Variants in PARPBP observed in about 807,000 individuals in gnomAD.
PARPBP encodes the protein PCNA-interacting partner.
A neutral mutation model predicts 50.0 loss-of-function variants in PARPBP; 52 were observed. The observed-to-expected ratio is 1.04, with a 90% CI of 0.83 to 1.31. PARPBP has a LOEUF of 1.31. Among genes scored for constraint, PARPBP ranks in the 50% most tolerant of loss-of-function variants. PARPBP has a pLI of 0.00. For missense variants in PARPBP, 697 were observed against 672.0 expected (o/e 1.04, Z -0.41); for synonymous variants, 244 against 232.1 (o/e 1.05, Z -0.47).
chr12:102,158,120 CAAAAAAAAAA>C (rs55962862), intron 4 of PARPBP, among the ~76,000 whole-genome samples: 1 of 47,992 alleles, frequency 2.1e-5, no homozygotes, highest in African/African-American at 8.5e-5. Context: ...GACTCCATCT[CAAAAAAAAAA>C]AAAAAAAAAA....
chr12:102,175,843 G>A (rs369470618), intron 7 of PARPBP, among the ~76,000 whole-genome samples, 177 bp downstream of exon 7: 18 of 152,052 alleles, frequency 1.2e-4, no homozygotes, highest in African/African-American at 4.1e-4. Flanking sequence ...GTTCAACTTG[G>A]GTAAATTATC....
At chr12:102,193,238 AAATT>A (rs1890968900) in intron 9 of PARPBP, among the ~76,000 whole-genome samples, 1 of 151,940 alleles carries the variant, frequency 6.6e-6, no homozygotes, top group African/African-American at 2.4e-5. Flanking sequence ...TATATGTTAA[AAATT>A]AATAAAAGTA....
chr12:102,176,759 C>T (rs531155316), intron 7 of PARPBP, among the ~76,000 whole-genome samples: 4 of 152,166 alleles, frequency 2.6e-5, no homozygotes, highest in Non-Finnish European at 5.9e-5. Flanking sequence ...CATTCATTTA[C>T]TCACAGCACT....
At chr12:102,163,713 G>C (rs1011603153) in intron 4 of PARPBP, among the ~76,000 whole-genome samples, 1 of 152,060 alleles carries the variant, frequency 6.6e-6, no homozygotes, top group African/African-American at 2.4e-5. Context: ...CTCTCTCCAA[G>C]TTGCTGTTGA....
intron 2 of PARPBP, among the ~76,000 whole-genome samples, chr12:102,146,772 GAACAGGC>G (rs1885414782): frequency 6.6e-6 from 1 of 152,102 alleles, no homozygotes. Flanking sequence ...CCGTCAGAGT[GAACAGGC>G]AACCTACAAA....
In PARPBP at chr12:102,153,773, CAACTG is replaced by C. The variant is rs776530905; in HGVS notation, c.388-93_388-89del. On this transcript the variant is annotated intron_variant, in intron 3 of 10. Transcript: ENST00000327680. ...GCTAACAACTGTCAGGTAATACTCTCAACTGAAACATCAATGACACTGAGTAGAGC... is the reference window on the plus strand; with the variant it reads ...GCTAACAACTGTCAGGTAATACTCTCAAACATCAATGACACTGAGTAGAGC... 5.2e-5 allele frequency: 35 copies of C among 674,446 alleles called. 1 individual carries two copies. The highest frequency in any genetic ancestry group is 6.8e-5 in the Admixed American group (3 of 43,860). The allele number at this position is 674,446 out of a possible 1,614,324, so 41.8% of individuals were successfully genotyped here. A position where few individuals can be genotyped will look rare whatever the true frequency, so the allele number is the denominator to read the frequency against.
In PARPBP at chr12:102,154,007, G is replaced by T. The variant is rs371795588; in HGVS notation, c.495+31G>T. The stretch of plus-strand genomic sequence containing the variant: ...GATAAACTGTGAGTAAATTAAAGCA[G>T]ACTATAATCCCTTTCAAATCACTGA... On this transcript the variant is annotated intron_variant, in intron 4 of 10. Transcript: ENST00000327680. The T allele has an allele frequency of 2.4e-5, 29 of 1,229,910 alleles. No homozygotes were observed. In the African/African-American group the frequency reaches 3.0e-4, roughly 13 times the overall value. The allele number at this position is 1,229,910 out of a possible 1,614,324, so 76.2% of individuals were successfully genotyped here.
chr12:102,152,078 T>C, intron 3 of PARPBP: 1 of 367,616 alleles, frequency 2.7e-6, no homozygotes, highest in Non-Finnish European at 5.0e-6. Context: ...AGAATGCTTT[T>C]ATTTCCAACT....
chr12:102,174,976 C>T (rs1889113793), intron 6 of PARPBP, among the ~76,000 whole-genome samples: 1 of 152,160 alleles, frequency 6.6e-6, no homozygotes, highest in Non-Finnish European at 1.5e-5. Flanking sequence ...TCCTTCCTCC[C>T]TGTCTCTTCC....
At chr12:102,146,079 T>C (rs1315657844) in intron 2 of PARPBP, among the ~76,000 whole-genome samples, 3 of 152,100 alleles carry the variant, frequency 2.0e-5, no homozygotes, top group Non-Finnish European at 4.4e-5. Flanking sequence ...TACAAAGAAA[T>C]GGAAGAACAT....
chr12:102,141,643 T>G (rs899737707), intron 2 of PARPBP, among the ~76,000 whole-genome samples: 1 of 152,198 alleles, frequency 6.6e-6, no homozygotes, highest in African/African-American at 2.4e-5. Flanking sequence ...CTTTCCATGT[T>G]TAGTACTTCC....
intron 8 of PARPBP, among the ~76,000 whole-genome samples, chr12:102,179,710 T>C (rs1889644575): frequency 6.6e-6 from 1 of 150,526 alleles, no homozygotes; most frequent in Non-Finnish European, 1.5e-5. Context: ...AGTTAAGGCA[T>C]ATAGATATAT....
chr12:102,134,265 G>T (rs1161691405), intron 2 of PARPBP, among the ~76,000 whole-genome samples: 1 of 139,790 alleles, frequency 7.2e-6, no homozygotes. Context: ...AAATGAAAAA[G>T]GATACATTAT....
chr12:102,180,165 A>T (rs2136881900), intron 8 of PARPBP, among the ~76,000 whole-genome samples: 1 of 152,334 alleles, frequency 6.6e-6, no homozygotes, highest in South Asian at 2.1e-4. Flanking sequence ...TATTTTATTA[A>T]CGATAAATAT....
chr12:102,121,105 G>C (rs1036144946), intron 1 of PARPBP, among the ~76,000 whole-genome samples: 11 of 152,158 alleles, frequency 7.2e-5, no homozygotes, highest in Non-Finnish European at 1.5e-4. Flanking sequence ...TGGAAGGCAA[G>C]TATTTCTGTG....
At chr12:102,160,630 A>G (rs1887466254) in intron 4 of PARPBP, among the ~76,000 whole-genome samples, 1 of 152,222 alleles carries the variant, frequency 6.6e-6, no homozygotes, top group Non-Finnish European at 1.5e-5. Flanking sequence ...ATTTACTGTG[A>G]AAGTAAAGAT....
intron 2 of PARPBP, among the ~76,000 whole-genome samples, chr12:102,147,064 T>A (rs138234608): frequency 0.26 from 39,103 of 151,614 alleles, 5,184 homozygotes; most frequent in East Asian, 0.42. Context: ...AAAGTCAGGA[T>A]ACAACACGTG....
Position 102,167,194 on chromosome 12 carries a change from T to G in PARPBP, c.821+1311T>G, listed in dbSNP as rs959581820. Among the ~76,000 whole-genome samples the G allele has an allele frequency of 2.0e-5, 3 of 152,150 alleles. No individual in the cohort carries two copies. The East Asian group carries it at 5.8e-4, about 29-fold the overall frequency. ...GTTTCCTGGCTCTTATGACTTTATTTTAATTGGTAAACCCCTTATTTTGCT... is the reference window on the plus strand; with the variant it reads ...GTTTCCTGGCTCTTATGACTTTATTGTAATTGGTAAACCCCTTATTTTGCT... On this transcript the variant is annotated intron_variant, in intron 6 of 10. Coordinates refer to ENST00000327680, the MANE Select transcript of PARPBP (RefSeq NM_017915.5).
intron 9 of PARPBP, among the ~76,000 whole-genome samples, chr12:102,188,901 C>A (rs948101266): frequency 6.6e-6 from 1 of 151,288 alleles, no homozygotes; most frequent in African/African-American, 2.4e-5. Flanking sequence ...AAAATTAAGA[C>A]CTTGTTAGAT....
Sources: gnomAD v4.1 joint callset for allele counts (sites outside exome capture counted in the v4.1 genomes callset) on GRCh38, gnomAD v4.1.1 for gene constraint, MANE v1.5 for transcripts, NCBI Gene and HGNC (gene_info 2026-07-23, HGNC 2026-07-21) for gene names.